Variants in CTNNA3 observed in about 807,000 individuals in gnomAD.
The protein encoded by CTNNA3 is catenin alpha 3, also known as catenin alpha-3.
Under a neutral mutation model 95.7 loss-of-function variants are expected in CTNNA3, and 76 were observed. That is an observed-to-expected ratio of 0.79 (90% confidence interval 0.66 to 0.96). CTNNA3 has a LOEUF of 0.96. CTNNA3 is among the 40% of genes least tolerant of loss of function. The pLI is 0.00. For missense variants in CTNNA3, 1,191 were observed against 1,089.8 expected (o/e 1.09, Z -1.31); for synonymous variants, 431 against 374.4 (o/e 1.15, Z -1.74).
intron 5 of CTNNA3, among the ~76,000 whole-genome samples, chr10:67,482,902 T>C (rs990467694): frequency 2.0e-5 from 3 of 152,138 alleles, no homozygotes; most frequent in South Asian, 2.1e-4. Context: ...AGATAGCTCT[T>C]ACTATTTTGA....
Position 66,596,414 on chromosome 10 carries a change from G to A in CTNNA3, c.1374+25278C>T, listed in dbSNP as rs140697741. Among the ~76,000 whole-genome samples, 270 of 152,204 alleles carry A rather than the reference G, an allele frequency of 1.8e-3. 2 individuals are homozygous for A. Among genetic ancestry groups the A allele is most frequent in the African/African-American group, 5.9e-3 (245 of 41,524 alleles). On this transcript the variant is annotated intron_variant, in intron 10 of 17. Coordinates refer to ENST00000433211, the MANE Select transcript of CTNNA3 (RefSeq NM_013266.4). ...AGCCTTTGCAAGACAGCATGTGCAA[G>A]CTCCCAAAGATGGCAAGCAAATACC...
chr10:67,646,770 T>G (rs73270154), intron 2 of CTNNA3, among the ~76,000 whole-genome samples: 20,192 of 151,962 alleles, frequency 0.13, 2,414 homozygotes, highest in African/African-American at 0.32. Context: ...TGTGGGTTAA[T>G]GACAAAAATT....
intron 3 of CTNNA3, among the ~76,000 whole-genome samples, chr10:67,603,730 T>G (rs1396589246): frequency 6.6e-6 from 1 of 152,144 alleles, no homozygotes; most frequent in Non-Finnish European, 1.5e-5. Flanking sequence ...AGTCAAAAAG[T>G]TAAAAATTTT....
At chr10:67,711,534 T>C (rs1487584098) in intron 1 of CTNNA3, among the ~76,000 whole-genome samples, 1 of 152,134 alleles carries the variant, frequency 6.6e-6, no homozygotes, top group East Asian at 1.9e-4. Flanking sequence ...AACTTTGAAC[T>C]TGAGAGAGAT....
chr10:66,795,324 G>A (rs994436707), intron 7 of CTNNA3, among the ~76,000 whole-genome samples: 1 of 152,132 alleles, frequency 6.6e-6, no homozygotes, highest in East Asian at 1.9e-4. Context: ...TACCAGGCAT[G>A]AAAACAACAT....
chr10:66,944,705 G>C (rs1267322985), intron 7 of CTNNA3, among the ~76,000 whole-genome samples: 1 of 152,080 alleles, frequency 6.6e-6, no homozygotes, highest in East Asian at 1.9e-4. Context: ...GACAGCAAGA[G>C]ACTTATAAAA....
At chr10:67,496,227 T>C (rs1447039354) in intron 5 of CTNNA3, among the ~76,000 whole-genome samples, 1 of 152,224 alleles carries the variant, frequency 6.6e-6, no homozygotes, top group Non-Finnish European at 1.5e-5. Flanking sequence ...AGCTTTCATC[T>C]TGCGGTGTGA....
chr10:67,577,350 G>A (rs1164865923), intron 3 of CTNNA3, among the ~76,000 whole-genome samples: 3 of 151,722 alleles, frequency 2.0e-5, no homozygotes, highest in African/African-American at 4.9e-5. Context: ...GTCTGTTCAT[G>A]TCCTTTGCCC....
At chr10:67,587,093 C>G (rs1398170927) in intron 3 of CTNNA3, among the ~76,000 whole-genome samples, 2 of 152,042 alleles carry the variant, frequency 1.3e-5, no homozygotes, top group East Asian at 3.9e-4. Flanking sequence ...GGCCTGATCA[C>G]AACTCACTAC....
intron 6 of CTNNA3, among the ~76,000 whole-genome samples, chr10:67,187,341 AGATATAG>A (rs1403247326): frequency 1.3e-5 from 2 of 152,184 alleles, no homozygotes; most frequent in African/African-American, 4.8e-5. Flanking sequence ...TTAAAAGAGA[AGATATAG>A]GATTCAAATC....
At chr10:66,606,811 A>C (rs1374669562) in intron 10 of CTNNA3, among the ~76,000 whole-genome samples, 1 of 152,176 alleles carries the variant, frequency 6.6e-6, no homozygotes, top group East Asian at 1.9e-4. Flanking sequence ...AAATGTCCAC[A>C]TCAAAAAGTT....
At chr10:66,712,554 C>G (rs79450594) in intron 9 of CTNNA3, among the ~76,000 whole-genome samples, 1 of 151,526 alleles carries the variant, frequency 6.6e-6, no homozygotes, top group Non-Finnish European at 1.5e-5. Flanking sequence ...TAATAAATGT[C>G]AAATCAGTCT....
chr10:67,701,959 A>T (rs1408121153), intron 1 of CTNNA3, among the ~76,000 whole-genome samples: 2 of 152,232 alleles, frequency 1.3e-5, no homozygotes, highest in African/African-American at 2.4e-5. Context: ...AAACAAAAAA[A>T]GGCAGGGGTT....
At chr10:66,373,664 C>T (rs2092770793) in intron 12 of CTNNA3, among the ~76,000 whole-genome samples, 1 of 151,840 alleles carries the variant, frequency 6.6e-6, no homozygotes, top group African/African-American at 2.4e-5. Flanking sequence ...AATTTGAAAG[C>T]CTGTTCAGAC....
chr10:66,768,166 AT>A (rs1037661529), intron 8 of CTNNA3, among the ~76,000 whole-genome samples: 3 of 152,154 alleles, frequency 2.0e-5, no homozygotes, highest in Non-Finnish European at 4.4e-5. Context: ...GAGTGGGGGC[AT>A]TTTTTAATGA....
At chr10:67,268,908 T>TA (rs1035210083) in intron 5 of CTNNA3, among the ~76,000 whole-genome samples, 19 of 151,698 alleles carry the variant, frequency 1.3e-4, no homozygotes, top group African/African-American at 3.1e-4. Flanking sequence ...CTACTAAAAA[T>TA]AAAAAAAATG....
chr10:67,566,894 C>T (rs1416102612), intron 3 of CTNNA3, among the ~76,000 whole-genome samples: 16 of 151,520 alleles, frequency 1.1e-4, no homozygotes, highest in Non-Finnish European at 2.1e-4. Context: ...AATTGGAAAT[C>T]GTCATTCTCA....
chr10:66,674,138 G>A (rs1846762806), intron 9 of CTNNA3, among the ~76,000 whole-genome samples: 1 of 151,924 alleles, frequency 6.6e-6, no homozygotes, highest in Non-Finnish European at 1.5e-5. Context: ...TTGGGTGTTA[G>A]TGCCAAGATT....
intron 9 of CTNNA3, among the ~76,000 whole-genome samples, chr10:66,668,150 A>G (rs1374744337): frequency 6.6e-6 from 1 of 152,262 alleles, no homozygotes; most frequent in East Asian, 1.9e-4. Context: ...ATATTAAAAG[A>G]GTTTCTTTCC....
Sources: gnomAD v4.1 joint callset for allele counts (sites outside exome capture counted in the v4.1 genomes callset) on GRCh38, gnomAD v4.1.1 for gene constraint, MANE v1.5 for transcripts, NCBI Gene and HGNC (gene_info 2026-07-23, HGNC 2026-07-21) for gene names.